Variants in DGKG observed in about 807,000 individuals in gnomAD.
The protein encoded by DGKG is diacylglycerol kinase gamma.
DGKG carries 78 observed loss-of-function variants against 105.3 expected under a neutral mutation model. The observed-to-expected ratio is 0.74, with a 90% CI of 0.62 to 0.89. DGKG has a LOEUF of 0.89. DGKG is among the 40% of genes least tolerant of loss of function. DGKG has a pLI of 0.00. For missense variants in DGKG, 958 were observed against 1,020.1 expected (o/e 0.94, Z 0.83); for synonymous variants, 346 against 367.1 (o/e 0.94, Z 0.66).
intron 2 of DGKG, among the ~76,000 whole-genome samples, chr3:186,318,861 C>T (rs1724942856): frequency 6.6e-6 from 1 of 152,184 alleles, no homozygotes; most frequent in African/African-American, 2.4e-5. Flanking sequence ...CAAACAACCC[C>T]CATACCAGTT....
chr3:186,168,038 G>A lies in DGKG; in HGVS notation c.2096-3020C>T, dbSNP rs532079738. ...AAGAGGTCTTCAAGGATGAATGAGC[G>A]CCAAGGTAATTTTTGGGTTGAAAAG... is the stretch of plus-strand genomic sequence containing the variant. On this transcript the variant is annotated intron_variant, in intron 22 of 24. Coordinates refer to ENST00000265022, the MANE Select transcript of DGKG (RefSeq NM_001346.3). 1.1e-4 allele frequency among the ~76,000 whole-genome samples: 17 copies of A among 152,262 alleles called. No homozygotes were observed. In the South Asian group the frequency reaches 1.5e-3, roughly 13 times the overall value.
At chr3:186,228,596 CG>C (rs1719972559) in intron 20 of DGKG, among the ~76,000 whole-genome samples, 1 of 152,158 alleles carries the variant, frequency 6.6e-6, no homozygotes, top group Admixed American at 6.5e-5. Context: ...TCACTCCACC[CG>C]GGAACCTCCG....
intron 1 of DGKG, among the ~76,000 whole-genome samples, chr3:186,349,510 T>C (rs1213012814): frequency 6.6e-6 from 1 of 152,234 alleles, no homozygotes; most frequent in Non-Finnish European, 1.5e-5. Context: ...TCTATAAATA[T>C]AACTTGGAGA....
intron 11 of DGKG, among the ~76,000 whole-genome samples, chr3:186,269,434 G>A (rs539525880): frequency 6.6e-6 from 1 of 152,184 alleles, no homozygotes; most frequent in Non-Finnish European, 1.5e-5. Flanking sequence ...TGGGGTTACT[G>A]GGGCAATGCA....
At chr3:186,261,583 C>G (rs529155595) in intron 15 of DGKG, 116 bp downstream of exon 15, 3 of 746,630 alleles carry the variant, frequency 4.0e-6, no homozygotes, top group Non-Finnish European at 7.1e-6. Flanking sequence ...TGGCAGGTGG[C>G]AGTGCTGGGA....
intron 10 of DGKG, among the ~76,000 whole-genome samples, chr3:186,273,377 T>C (rs1273181737): frequency 0.023 from 3,161 of 139,588 alleles, 92 homozygotes; most frequent in Middle Eastern, 0.043. Context: ...CTTTTTTTTT[T>C]TTTTTTTTTT....
At chr3:186,255,075 G>C (rs767214733) in intron 17 of DGKG, among the ~76,000 whole-genome samples, 1 of 152,192 alleles carries the variant, frequency 6.6e-6, no homozygotes, top group Non-Finnish European at 1.5e-5. Flanking sequence ...CTGGTGCCTC[G>C]TCAGAATATT....
intron 22 of DGKG, among the ~76,000 whole-genome samples, chr3:186,185,078 G>A (rs77119309): frequency 5.8e-4 from 89 of 152,252 alleles, no homozygotes; most frequent in African/African-American, 2.0e-3. Context: ...AAGGGGAAAG[G>A]ACTTGCCTCA....
At chr3:186,267,926 G>C in intron 12 of DGKG, 149 bp from the exon 13 acceptor site, 1 of 675,588 alleles carries the variant, frequency 1.5e-6, no homozygotes, top group Non-Finnish European at 2.6e-6. Context: ...CCGTGTGTGT[G>C]TGTGTGCACG....
intron 1 of DGKG, among the ~76,000 whole-genome samples, chr3:186,326,126 T>C (rs147755428): frequency 0.012 from 1,827 of 152,286 alleles, 15 homozygotes; most frequent in Non-Finnish European, 0.017. Context: ...GCGTGGTGGC[T>C]CATGCCTGTG....
At chr3:186,211,058 G>C (rs565228463) in intron 21 of DGKG, among the ~76,000 whole-genome samples, 6 of 152,310 alleles carry the variant, frequency 3.9e-5, no homozygotes, top group African/African-American at 1.4e-4. Context: ...CAGGGGAGGG[G>C]AGCCAGCAGG....
intron 3 of DGKG, among the ~76,000 whole-genome samples, chr3:186,303,390 G>T (rs980325617): frequency 2.0e-5 from 3 of 152,116 alleles, no homozygotes; most frequent in Non-Finnish European, 2.9e-5. Flanking sequence ...TTTTTCCCCA[G>T]CAGCTTTTAT....
intron 23 of DGKG, among the ~76,000 whole-genome samples, chr3:186,164,480 A>G (rs1465590432): frequency 6.6e-6 from 1 of 152,210 alleles, no homozygotes; most frequent in Admixed American, 6.5e-5. Context: ...AGTGTTTCTC[A>G]GGTCACTGTC....
intron 23 of DGKG, among the ~76,000 whole-genome samples, chr3:186,162,679 A>C (rs1036866580): frequency 6.6e-6 from 1 of 151,264 alleles, no homozygotes; most frequent in African/African-American, 2.4e-5. Context: ...AACTGGGACT[A>C]TAGGTGCCTG....
chr3:186,331,011 G>C (rs551292081), intron 1 of DGKG, among the ~76,000 whole-genome samples: 1 of 152,288 alleles, frequency 6.6e-6, no homozygotes, highest in South Asian at 2.1e-4. Flanking sequence ...ATTCATGCTT[G>C]AACTGCAACT....
Position 186,293,438 on chromosome 3 carries a change from G to A in DGKG, c.373+3983C>T, listed in dbSNP as rs74952954. On this transcript the variant is annotated intron_variant, in intron 5 of 24. Coordinates refer to ENST00000265022, the MANE Select transcript of DGKG (RefSeq NM_001346.3). ...CCTTGAGATTTCAATATTCCAAGTC[G>A]CTGAAACATCTCGACAGCCTGAGAA... 2.0e-5 allele frequency among the ~76,000 whole-genome samples: 3 copies of A among 152,246 alleles called. No individual in the cohort carries two copies. The East Asian group carries it at 5.8e-4, about 29-fold the overall frequency.
chr3:186,233,098 TG>T (rs1720231900), intron 20 of DGKG, among the ~76,000 whole-genome samples: 1 of 152,176 alleles, frequency 6.6e-6, no homozygotes, highest in South Asian at 2.1e-4. Context: ...TTAGGTTACG[TG>T]GCAAAGGGGC....
At position 186,339,695 on chromosome 3, in the gene DGKG, C is replaced by A. The variant is rs181491056; in HGVS notation, c.-248-18988G>T. Reference sequence around the variant, plus strand: ...TGGGTGGTATGCCAAGAGGCCTGTACGCTGGGGCCTGTGAGATATTGAAGG... The same window carrying A: ...TGGGTGGTATGCCAAGAGGCCTGTAAGCTGGGGCCTGTGAGATATTGAAGG... On this transcript the variant is annotated intron_variant, in intron 1 of 24. Transcript: ENST00000265022. 1.4e-3 allele frequency among the ~76,000 whole-genome samples: 212 copies of A among 152,194 alleles called. 1 individual carries two copies. Among genetic ancestry groups the A allele is most frequent in the African/African-American group, 4.9e-3 (204 of 41,520 alleles).
At chr3:186,152,328 G>C (rs1715800424) in intron 24 of DGKG, among the ~76,000 whole-genome samples, 1 of 152,114 alleles carries the variant, frequency 6.6e-6, no homozygotes, top group Non-Finnish European at 1.5e-5. Flanking sequence ...TTTATCCCAG[G>C]ACGCACGGAA....
Sources: gnomAD v4.1 joint callset for allele counts (sites outside exome capture counted in the v4.1 genomes callset) on GRCh38, gnomAD v4.1.1 for gene constraint, MANE v1.5 for transcripts, NCBI Gene and HGNC (gene_info 2026-07-23, HGNC 2026-07-21) for gene names.